The following ATP8A2 variants were observed in gnomAD, a reference collection of about 807,000 sequenced individuals.
The protein encoded by ATP8A2 is phospholipid-transporting ATPase IB.
ATP8A2 carries 100 observed loss-of-function variants against 165.6 expected under a neutral mutation model. The ratio of observed to expected loss-of-function variants is 0.60; its 90% CI spans 0.51 to 0.71. The LOEUF (loss-of-function observed/expected upper bound fraction) is 0.71, where lower values mean the gene tolerates loss of function less well. ATP8A2 is among the 30% of genes least tolerant of loss of function. ATP8A2 has a pLI of 0.00. For missense variants in ATP8A2, 1,227 were observed against 1,479.5 expected (o/e 0.83, Z 2.80); for synonymous variants, 543 against 548.8 (o/e 0.99, Z 0.15).
At chr13:25,568,226 C>T (rs1044269218) in intron 16 of ATP8A2, among the ~76,000 whole-genome samples, 3 of 152,134 alleles carry the variant, frequency 2.0e-5, no homozygotes, top group African/African-American at 7.2e-5. Context: ...TATGCAACCC[C>T]CTGCTTACAT....
intron 27 of ATP8A2, among the ~76,000 whole-genome samples, chr13:25,809,363 A>G (rs756603279): frequency 3.3e-5 from 5 of 152,170 alleles, no homozygotes; most frequent in Non-Finnish European, 5.9e-5. Context: ...GAAGTGTCTT[A>G]TCTAAAATGA....
At chr13:25,697,647 C>T (rs968998805) in intron 24 of ATP8A2, among the ~76,000 whole-genome samples, 3 of 152,140 alleles carry the variant, frequency 2.0e-5, no homozygotes, top group African/African-American at 7.2e-5. Context: ...TGAGTGTTTG[C>T]TGTATGCCAA....
At chr13:25,444,355 G>A (rs1432891143) in intron 1 of ATP8A2, among the ~76,000 whole-genome samples, 2 of 152,046 alleles carry the variant, frequency 1.3e-5, no homozygotes, top group Admixed American at 1.3e-4. Flanking sequence ...TAAAGTTCTT[G>A]TATGAATTTT....
intron 33 of ATP8A2, among the ~76,000 whole-genome samples, chr13:25,917,459 C>A (rs960352233): frequency 6.6e-6 from 1 of 152,194 alleles, no homozygotes; most frequent in African/African-American, 2.4e-5. Flanking sequence ...CTCATAGTAA[C>A]CCTGAAGGGG....
intron 24 of ATP8A2, among the ~76,000 whole-genome samples, chr13:25,675,156 T>C (rs1467812337): frequency 6.6e-6 from 1 of 152,216 alleles, no homozygotes; most frequent in African/African-American, 2.4e-5. Flanking sequence ...TGGTGGAGCC[T>C]TGGGGCCCTA....
chr13:25,396,388 G>A (rs1207270263), intron 1 of ATP8A2, among the ~76,000 whole-genome samples: 1 of 152,128 alleles, frequency 6.6e-6, no homozygotes, highest in Non-Finnish European at 1.5e-5. Flanking sequence ...GGGGAAAAGG[G>A]GTTCTAGTTT....
At chr13:25,531,385 GATATAT>G (rs201936199) in intron 4 of ATP8A2, among the ~76,000 whole-genome samples, 1 of 71,890 alleles carries the variant, frequency 1.4e-5, no homozygotes, top group African/African-American at 6.2e-5. Context: ...TTATATATAT[GATATAT>G]ATATGATTAT....
intron 33 of ATP8A2, among the ~76,000 whole-genome samples, chr13:25,941,691 T>C (rs1955077249): frequency 6.6e-6 from 1 of 152,180 alleles, no homozygotes; most frequent in African/African-American, 2.4e-5. Flanking sequence ...TGTGGTGACT[T>C]CATGCCTGTG....
chr13:25,818,514 C>A (rs1951083823), intron 27 of ATP8A2, among the ~76,000 whole-genome samples: 1 of 152,188 alleles, frequency 6.6e-6, no homozygotes, highest in Non-Finnish European at 1.5e-5. Context: ...CTTTCATCTT[C>A]TCTGTGCCCC....
chr13:25,749,215 T>C (rs1238387845), intron 25 of ATP8A2, among the ~76,000 whole-genome samples: 1 of 152,164 alleles, frequency 6.6e-6, no homozygotes, highest in Non-Finnish European at 1.5e-5. Flanking sequence ...ACCTTTGCCT[T>C]GCAGGAATCA....
At chr13:25,492,604 G>T (rs372896023) in intron 2 of ATP8A2, among the ~76,000 whole-genome samples, 7 of 152,084 alleles carry the variant, frequency 4.6e-5, no homozygotes, top group Non-Finnish European at 8.8e-5. Context: ...CTCCCACCCC[G>T]TGTAGTTGTG....
chr13:25,378,097 A>G (rs1327209967), intron 1 of ATP8A2, among the ~76,000 whole-genome samples: 8 of 152,120 alleles, frequency 5.3e-5, no homozygotes, highest in Non-Finnish European at 2.9e-5. Flanking sequence ...CCTGGACAAC[A>G]GAGCGAGACC....
intron 35 of ATP8A2, among the ~76,000 whole-genome samples, chr13:25,978,326 G>A (rs940767763): frequency 6.6e-6 from 1 of 152,184 alleles, no homozygotes; most frequent in African/African-American, 2.4e-5. Context: ...TGCGTTATCA[G>A]TGAGTTGTTT....
At chr13:25,873,443 C>T (rs934063387) in intron 33 of ATP8A2, among the ~76,000 whole-genome samples, 37 of 152,240 alleles carry the variant, frequency 2.4e-4, no homozygotes, top group African/African-American at 8.4e-4. Context: ...AAAAAGAATC[C>T]GTGCCACTGA....
rs1377771031 is a variant in ATP8A2, at chr13:25,738,348, CCCCA to C, written c.2385-30696_2385-30693del. On this transcript the variant is annotated intron_variant, in intron 25 of 36. Transcript: ENST00000381655. Reference sequence around the variant, plus strand: ...TTCTTTTTGTGCCCCCCTCCCCCCCCCCCACACACACTTCTTCTGGTAGTTGCTG... The same window carrying C: ...TTCTTTTTGTGCCCCCCTCCCCCCCCCACACACTTCTTCTGGTAGTTGCTG... Among the ~76,000 whole-genome samples, 880 of 108,982 alleles carry C rather than the reference CCCCA, an allele frequency of 8.1e-3. 9 individuals carry two copies. The highest frequency in any genetic ancestry group is 0.021 in the Middle Eastern group (3 of 140). The allele number at this position is 108,982 out of a possible 152,430, so 71.5% of individuals were successfully genotyped here.
At chr13:25,804,645 T>C (rs1298444728) in intron 27 of ATP8A2, among the ~76,000 whole-genome samples, 1 of 152,176 alleles carries the variant, frequency 6.6e-6, no homozygotes, top group Non-Finnish European at 1.5e-5. Flanking sequence ...TTCCTCTTTT[T>C]CTGTTAAGAC....
rs568479204 is a variant in ATP8A2, at chr13:25,854,679, T to G, written c.2957-5516T>G. Among the ~76,000 whole-genome samples the G allele has an allele frequency of 2.6e-5, 4 of 152,350 alleles. No homozygotes were observed. The South Asian group carries it at 8.3e-4, about 32-fold the overall frequency. On this transcript the variant is annotated intron_variant, in intron 30 of 36. Coordinates refer to ENST00000381655, the MANE Select transcript of ATP8A2 (RefSeq NM_016529.6). The stretch of plus-strand genomic sequence containing the variant: ...GCTTCTGTCCAAGCCACTCTGGGCC[T>G]GCATTGTTCAATAGCACTTTCTGTG...
intron 1 of ATP8A2, among the ~76,000 whole-genome samples, chr13:25,411,665 T>G (rs2033968596): frequency 1.3e-5 from 2 of 152,202 alleles, no homozygotes; most frequent in African/African-American, 4.8e-5. Context: ...TAATTCCATT[T>G]TATGTTAAAA....
chr13:25,397,617 T>C (rs1378380803), intron 1 of ATP8A2, among the ~76,000 whole-genome samples: 1 of 152,100 alleles, frequency 6.6e-6, no homozygotes, highest in Non-Finnish European at 1.5e-5. Context: ...TATGCTTTGT[T>C]GAGGAAAAAA....
Sources: allele counts gnomAD v4.1 joint callset (sites outside exome capture counted in the v4.1 genomes callset), GRCh38; gene constraint gnomAD v4.1.1; transcripts MANE v1.5; gene names NCBI Gene and HGNC (gene_info 2026-07-23, HGNC 2026-07-21).